Variants in MYO3B observed in about 807,000 individuals in gnomAD.
MYO3B encodes myosin-IIIb.
In MYO3B, 156 loss-of-function variants were observed where a neutral mutation model predicts 174.6. That is an observed-to-expected ratio of 0.89 (90% CI 0.78 to 1.02). The LOEUF is 1.02. Ranked by LOEUF, MYO3B falls within the 50% of genes least tolerant of loss-of-function variation. The pLI, the probability that MYO3B is intolerant of heterozygous loss-of-function variation, is 0.00. For missense variants in MYO3B, 1,632 were observed against 1,639.4 expected, an observed-to-expected ratio of 1.00 and a Z score of 0.08; for synonymous variants, 563 against 569.1, an observed-to-expected ratio of 0.99 and a Z score of 0.15.
intron 9 of MYO3B, among the ~76,000 whole-genome samples, chr2:170,375,223 C>T (rs941847883): frequency 6.6e-6 from 1 of 152,154 alleles, no homozygotes; most frequent in Non-Finnish European, 1.5e-5. Context: ...GGTATGTCAT[C>T]TCACTGTTAA....
chr2:170,192,379 GC>G (rs2092551115), intron 1 of MYO3B, among the ~76,000 whole-genome samples: 1 of 150,302 alleles, frequency 6.7e-6, no homozygotes, highest in South Asian at 2.1e-4. Flanking sequence ...TACTTATTTA[GC>G]GATTTTCAAA....
intron 32 of MYO3B, among the ~76,000 whole-genome samples, chr2:170,613,906 C>T (rs1002173663): frequency 6.6e-6 from 1 of 152,112 alleles, no homozygotes; most frequent in Admixed American, 6.5e-5. Flanking sequence ...TGTAGATGGC[C>T]TATTGTGGGA....
intron 32 of MYO3B, among the ~76,000 whole-genome samples, chr2:170,627,232 T>A (rs1185601615): frequency 6.6e-6 from 1 of 152,218 alleles, no homozygotes; most frequent in Non-Finnish European, 1.5e-5. Context: ...CCCTATTTCT[T>A]GGAGGCTTTG....
intron 23 of MYO3B, among the ~76,000 whole-genome samples, chr2:170,447,129 A>C (rs1017133204): frequency 1.3e-5 from 2 of 152,152 alleles, no homozygotes; most frequent in African/African-American, 4.8e-5. Context: ...GCTTCAGAGA[A>C]GAGCTGTGGG....
chr2:170,465,032 A>AC (rs1553500965), intron 24 of MYO3B, among the ~76,000 whole-genome samples: 32 of 146,108 alleles, frequency 2.2e-4, no homozygotes, highest in Non-Finnish European at 7.5e-5. Context: ...ATGCCTGGCA[A>AC]TTTTTTTTTT....
At chr2:170,235,889 G>A (rs1028472963) in intron 6 of MYO3B, 102 bp from the exon 7 acceptor site, 3 of 1,425,556 alleles carry the variant, frequency 2.1e-6, no homozygotes, top group Non-Finnish European at 2.9e-6. Context: ...TATCATCGTG[G>A]CCAAGAAAAC....
In MYO3B at chr2:170,592,097, C is replaced by T. The variant is rs551401097; in HGVS notation, c.3733+48109C>T. Among the ~76,000 whole-genome samples, 4 of 152,272 alleles carry T rather than the reference C, an allele frequency of 2.6e-5. No individual in the cohort carries two copies. The South Asian group carries it at 8.3e-4, about 32-fold the overall frequency. ...GGTATGAAGAGGTTAAATCATTTGC[C>T]CAAAATCCCATACCCAGTGCTGGGA... On this transcript the variant is annotated intron_variant, in intron 32 of 34. Coordinates refer to ENST00000408978, the MANE Select transcript of MYO3B (RefSeq NM_138995.5).
intron 25 of MYO3B, among the ~76,000 whole-genome samples, chr2:170,467,796 T>TAA (rs966150369): frequency 2.1e-5 from 3 of 139,812 alleles, no homozygotes; most frequent in African/African-American, 7.9e-5. Context: ...CTCTGCTAAA[T>TAA]TCCATGGAAA....
chr2:170,462,839 T>TA (rs1684380119), intron 23 of MYO3B, among the ~76,000 whole-genome samples: 1 of 152,246 alleles, frequency 6.6e-6, no homozygotes, highest in Admixed American at 6.5e-5. Flanking sequence ...TCCATTGGGT[T>TA]TCCGAGTGAT....
In MYO3B at chr2:170,444,040, A is replaced by G. The variant is rs779727120; in HGVS notation, c.2724A>G (p.Lys908=). Residue 908 remains lysine, a synonymous_variant, in exon 23 of 35, where the codon AAA becomes AAG. Transcript: ENST00000408978. ...TGCCTCCACATTTCAGTGCTGGGAAAGCCAAGGTGAGTAACAGATTTGCAC... is the reference window on the plus strand; with the variant it reads ...TGCCTCCACATTTCAGTGCTGGGAAGGCCAAGGTGAGTAACAGATTTGCAC... The part of the protein sequence containing the change: ...SSLPPHFSAG[K]AKVDTLEVIR... The G allele has an allele frequency of 3.1e-6, 5 of 1,612,548 alleles. No individual in the cohort carries two copies. The highest frequency in any genetic ancestry group is 4.2e-6 in the Non-Finnish European group (5 of 1,178,966).
intron 32 of MYO3B, among the ~76,000 whole-genome samples, chr2:170,630,263 T>C (rs909787422): frequency 6.6e-6 from 1 of 152,182 alleles, no homozygotes; most frequent in Admixed American, 6.5e-5. Flanking sequence ...TATCCTGCAC[T>C]TGGCGCAGTG....
At chr2:170,579,858 C>G (rs919582403) in intron 32 of MYO3B, among the ~76,000 whole-genome samples, 1 of 152,208 alleles carries the variant, frequency 6.6e-6, no homozygotes, top group Non-Finnish European at 1.5e-5. Flanking sequence ...AACTGATGAC[C>G]GTACATTATC....
chr2:170,566,706 G>A (rs1264832734), intron 32 of MYO3B, among the ~76,000 whole-genome samples: 4 of 152,094 alleles, frequency 2.6e-5, no homozygotes, highest in African/African-American at 9.7e-5. Context: ...TTAAAAAGTT[G>A]TGTACCAAGT....
intron 4 of MYO3B, 54 bp from the exon 5 acceptor site, chr2:170,214,675 G>A: frequency 6.6e-7 from 1 of 1,522,102 alleles, no homozygotes; most frequent in Non-Finnish European, 9.1e-7. Context: ...AAATAAGCAT[G>A]TAAATTTCCC....
At chr2:170,251,723 A>G (rs1322615172) in intron 7 of MYO3B, among the ~76,000 whole-genome samples, 1 of 152,226 alleles carries the variant, frequency 6.6e-6, no homozygotes, top group Non-Finnish European at 1.5e-5. Flanking sequence ...CTGGAATTGT[A>G]AGACAATAAA....
chr2:170,477,268 C>A (rs1186029845), intron 25 of MYO3B, among the ~76,000 whole-genome samples: 1 of 152,122 alleles, frequency 6.6e-6, no homozygotes, highest in Non-Finnish European at 1.5e-5. Flanking sequence ...CTTTCAATCC[C>A]CAGTCCAGGC....
chr2:170,404,396 G>C lies in MYO3B; in HGVS notation c.2427G>C (p.Leu809=). The C allele has an allele frequency of 1.9e-6, 3 of 1,606,874 alleles. No individual in the cohort carries two copies. The highest frequency in any genetic ancestry group is 2.5e-6 in the Non-Finnish European group (3 of 1,177,766). ...TTCCCCAAGCAACTGACCAGACCCT[G>C]GTTGGTAGGTAACTTCTGAGAAACA... ...SRFPQATDQT[L]VDKFEDNLRC... is the part of the protein sequence containing the mutation. The change falls in exon 20 of 35, where the codon CTG becomes CTC. Residue 809 remains leucine, a synonymous_variant. Coordinates refer to ENST00000408978, the MANE Select transcript of MYO3B (RefSeq NM_138995.5).
chr2:170,651,820 A>AGGGGGGGGGGGGGGGGGGGGGG, intron 33 of MYO3B, 86 bp downstream of exon 33: 1 of 1,010,610 alleles, frequency 9.9e-7, no homozygotes, highest in Non-Finnish European at 1.5e-6. Flanking sequence ...CAGCCCCTGC[A>AGGGGGGGGGGGGGGGGGGGGGG]GCCCCACCCC....
At chr2:170,634,189 G>C (rs551279956) in intron 32 of MYO3B, among the ~76,000 whole-genome samples, 1 of 152,240 alleles carries the variant, frequency 6.6e-6, no homozygotes, top group South Asian at 2.1e-4. Context: ...AACAAAGCTG[G>C]AAGAATCACG....
Sources: allele counts gnomAD v4.1 joint callset (sites outside exome capture counted in the v4.1 genomes callset), GRCh38; gene constraint gnomAD v4.1.1; transcripts MANE v1.5; gene names NCBI Gene and HGNC (gene_info 2026-07-23, HGNC 2026-07-21).